Variants in L2HGDH observed in about 807,000 individuals in gnomAD.
L2HGDH encodes the protein L-2-hydroxyglutarate dehydrogenase.
L2HGDH carries 34 observed loss-of-function variants against 51.5 expected under a neutral mutation model. The observed-to-expected ratio is 0.66, with a 90% CI of 0.50 to 0.88. The LOEUF (loss-of-function observed/expected upper bound fraction) is 0.88. Among genes scored for constraint, L2HGDH ranks in the 40% least tolerant of loss-of-function variants. The pLI is 0.00. For missense variants in L2HGDH, 558 were observed against 571.9 expected (o/e 0.98, Z 0.25); for synonymous variants, 198 against 197.9 (o/e 1.00, Z -0.01).
At chr14:50,280,746 T>G (rs754499462) in intron 5 of L2HGDH, among the ~76,000 whole-genome samples, 1 of 151,838 alleles carries the variant, frequency 6.6e-6, no homozygotes, top group Admixed American at 6.6e-5. Flanking sequence ...ACTCCTGAGC[T>G]CAAGCGCTCC....
intron 4 of L2HGDH, among the ~76,000 whole-genome samples, chr14:50,284,367 A>T (rs1360685801): frequency 6.6e-6 from 1 of 152,240 alleles, no homozygotes; most frequent in Non-Finnish European, 1.5e-5. Context: ...TTTCCAGAGC[A>T]TTGCTTTGAC....
intron 5 of L2HGDH, among the ~76,000 whole-genome samples, chr14:50,279,929 G>A (rs1399927373): frequency 6.6e-6 from 1 of 151,690 alleles, no homozygotes; most frequent in Non-Finnish European, 1.5e-5. Flanking sequence ...GCATGGTGGT[G>A]CATGCCTGTA....
chr14:50,294,193 C>T lies in L2HGDH; in HGVS notation c.462G>A (p.Glu154=). 1 of 1,613,366 alleles carries T rather than the reference C, an allele frequency of 6.2e-7. No individual in the cohort carries two copies. Among genetic ancestry groups the T allele is most frequent in the Non-Finnish European group, 8.5e-7 (1 of 1,179,762 alleles). ...EEIPRLQALY[E]KGLQNGVPGL... ...CCGGGACACCATTCTGGAGGCCTTTCTCATATAGGGCCTGAAGTCTGGGAA... is the reference window on the plus strand; with the variant it reads ...CCGGGACACCATTCTGGAGGCCTTTTTCATATAGGGCCTGAAGTCTGGGAA... The change falls in exon 4 of 10, where the codon GAG becomes GAA. Residue 154 remains glutamate (E), a synonymous_variant. Coordinates refer to ENST00000267436, the MANE Select transcript of L2HGDH (RefSeq NM_024884.3).
chr14:50,247,676 G>A (rs1487920500), intron 9 of L2HGDH, among the ~76,000 whole-genome samples: 15 of 152,172 alleles, frequency 9.9e-5, no homozygotes. Context: ...GAGGTTATGT[G>A]TCAGTTGCAT....
At chr14:50,273,910 C>T (rs138491608) in intron 6 of L2HGDH, among the ~76,000 whole-genome samples, 14,163 of 152,056 alleles carry the variant, frequency 0.093, 765 homozygotes, top group Non-Finnish European at 0.12. Flanking sequence ...GAAACCCCAT[C>T]TCTACTAAAA....
intron 9 of L2HGDH, among the ~76,000 whole-genome samples, chr14:50,261,016 C>T (rs551052866): frequency 6.6e-6 from 1 of 152,092 alleles, no homozygotes; most frequent in African/African-American, 2.4e-5. Context: ...GCTCAGAAGG[C>T]TAAGTCAGGA....
Position 50,269,299 on chromosome 14 carries a change from G to A in L2HGDH, c.770C>T (p.Thr257Ile). 6.2e-7 allele frequency: 1 copy of A among 1,614,080 alleles called. No homozygotes were observed. The highest frequency in any genetic ancestry group is 1.1e-5 in the South Asian group (1 of 91,080). ...GEEIRCQYVVTCAGLYSDRIS... is the reference protein window; with the variant it reads ...GEEIRCQYVVICAGLYSDRIS... ...ACGGTCTGAGTAAAGTCCTGCACAT[G>A]TCACAACATACTGACATCGAATTTC... Residue 257 changes from threonine (T) to isoleucine (I), a missense_variant, in exon 7 of 10, where the codon ACA becomes ATA. Around this residue, in one of 3 missense-constraint regions of L2HGDH, gnomAD observed 321 missense variants for 311.8 expected, o/e 1.03. Transcript: ENST00000267436.
At chr14:50,254,143 C>T (rs1944818268) in intron 9 of L2HGDH, among the ~76,000 whole-genome samples, 1 of 151,716 alleles carries the variant, frequency 6.6e-6, no homozygotes, top group Non-Finnish European at 1.5e-5. Flanking sequence ...GACAGGGAGA[C>T]CATAGTAAAT....
In L2HGDH at chr14:50,302,948, T is replaced by C. The variant is rs745638950; in HGVS notation, c.210A>G (p.Arg70=). The C allele has an allele frequency of 1.9e-6, 3 of 1,613,934 alleles. No individual in the cohort carries two copies. The African/African-American group carries it at 4.0e-5, about 22-fold the overall frequency. Reference sequence around the variant, plus strand: ...GAACACCAATAGAAAGTGATGGATGTCGCAGGATGAGTGCTCTGGCAGAGG... The same window carrying C: ...GAACACCAATAGAAAGTGATGGATGCCGCAGGATGAGTGCTCTGGCAGAGG... The part of the protein sequence containing the change: ...GLASARALIL[R]HPSLSIGVLE... The change falls in exon 2 of 10, where the codon CGA becomes CGG. Residue 70 remains arginine, a synonymous_variant. Transcript: ENST00000267436.
Position 50,312,055 on chromosome 14 carries a change from C to A in L2HGDH, c.96G>T (p.Gly32=). 6.3e-7 allele frequency: 1 copy of A among 1,592,542 alleles called. No homozygotes were observed. The highest frequency in any genetic ancestry group is 1.1e-5 in the South Asian group (1 of 88,428). Residue 32 remains glycine (G), a synonymous_variant, in exon 1 of 10, where the codon GGG becomes GGT. Transcript: ENST00000267436. ...GSPGACGFAS[G]RPRPLCGGSR... Reference sequence around the variant, plus strand: ...TACCTCCACACAGCGGTCTTGGCCTCCCAGACGCGAACCCGCACGCCCCAG... The same window carrying A: ...TACCTCCACACAGCGGTCTTGGCCTACCAGACGCGAACCCGCACGCCCCAG...
chr14:50,267,145 T>TTTA (rs1889384733), intron 8 of L2HGDH, among the ~76,000 whole-genome samples: 1 of 143,378 alleles, frequency 7.0e-6, no homozygotes, highest in African/African-American at 2.6e-5. Context: ...TTCTTTTTAT[T>TTTA]TTTATTTATT....
At chr14:50,248,614 G>GT (rs1303042430) in intron 9 of L2HGDH, among the ~76,000 whole-genome samples, 2 of 152,188 alleles carry the variant, frequency 1.3e-5, no homozygotes, top group Admixed American at 1.3e-4. Flanking sequence ...AATTATAACA[G>GT]TAAGAGTGAA....
chr14:50,272,857 C>G (rs1164157037), intron 6 of L2HGDH, among the ~76,000 whole-genome samples: 1 of 152,156 alleles, frequency 6.6e-6, no homozygotes, highest in Non-Finnish European at 1.5e-5. Flanking sequence ...ATGGGGAGTT[C>G]TCTATGACCA....
intron 8 of L2HGDH, 144 bp from the exon 9 acceptor site, chr14:50,265,633 G>T: frequency 2.6e-6 from 2 of 781,974 alleles, no homozygotes; most frequent in Non-Finnish European, 4.0e-6. Flanking sequence ...GAAAATCAAG[G>T]CCAGGAGTGG....
rs1407655711 is a variant in L2HGDH, at chr14:50,312,226, T to C, written c.-76A>G. The C allele has an allele frequency of 1.3e-6, 2 of 1,571,294 alleles. No homozygotes were observed. Among genetic ancestry groups the C allele is most frequent in the South Asian group, 1.1e-5 (1 of 87,276 alleles). ...TCCACGGCCGAGGACCCGCGCTCTT[T>C]AGCCCCGCCCCTCACGCGGGGGCCA... On this transcript the variant is annotated 5_prime_UTR_variant, in exon 1 of 10. Coordinates refer to ENST00000267436, the MANE Select transcript of L2HGDH (RefSeq NM_024884.3).
rs1888059455 is a variant in L2HGDH at position 50,247,243 on chromosome 14, C to T, written c.1207G>A (p.Gly403Arg). Residue 403 changes from glycine (G) to arginine (R), a missense_variant, in exon 10 of 10, where the codon GGA (glycine) becomes AGA (arginine). This residue lies in a region of L2HGDH where 321 missense variants were observed against 311.8 expected (regional missense o/e 1.03). Transcript: ENST00000267436. ...TISDILRGPA[G>R]VRAQALDRDG... is the part of the protein sequence containing the mutation. Reference sequence around the variant, plus strand: ...CTATCCAGGGCCTGGGCTCTTACTCCAGCTGGGCCCCTGCAAAAGTAAAAG... The same window carrying T: ...CTATCCAGGGCCTGGGCTCTTACTCTAGCTGGGCCCCTGCAAAAGTAAAAG... 4 of 1,613,256 alleles carry T rather than the reference C, an allele frequency of 2.5e-6. No homozygotes were observed. The highest frequency in any genetic ancestry group is 3.4e-6 in the Non-Finnish European group (4 of 1,179,588).
intron 9 of L2HGDH, among the ~76,000 whole-genome samples, chr14:50,250,555 T>G (rs1369569492): frequency 6.6e-6 from 1 of 152,098 alleles, no homozygotes; most frequent in Non-Finnish European, 1.5e-5. Flanking sequence ...GCCTGGGGCC[T>G]GAGGAAGCTT....
intron 9 of L2HGDH, among the ~76,000 whole-genome samples, chr14:50,258,225 AT>A (rs886803986): frequency 1.3e-5 from 2 of 151,384 alleles, no homozygotes; most frequent in African/African-American, 2.4e-5. Context: ...GGGTTATTTT[AT>A]TTTTTTTAGA....
At chr14:50,291,162 C>T (rs1190968703) in intron 4 of L2HGDH, among the ~76,000 whole-genome samples, 1 of 126,262 alleles carries the variant, frequency 7.9e-6, no homozygotes, top group African/African-American at 3.1e-5. Context: ...TGTGCCACTG[C>T]ACTCCAGCTT....
Sources: allele counts gnomAD v4.1 joint callset (sites outside exome capture counted in the v4.1 genomes callset), GRCh38; gene constraint gnomAD v4.1.1; regional missense constraint gnomAD v4.1.1; transcripts MANE v1.5; gene names NCBI Gene and HGNC (gene_info 2026-07-23, HGNC 2026-07-21).